The following ATP2B4 variants were observed in gnomAD, a reference collection of about 807,000 sequenced individuals.
The protein encoded by ATP2B4 is ATPase plasma membrane Ca2+ transporting 4.
Under a neutral mutation model 110.3 loss-of-function variants are expected in ATP2B4, and 39 were observed. That is an observed-to-expected ratio of 0.35 (90% CI 0.27 to 0.46). ATP2B4 has a LOEUF of 0.46. Among genes scored for constraint, ATP2B4 ranks in the 20% least tolerant of loss-of-function variants. The pLI is 1.00. For missense variants in ATP2B4, 1,135 were observed against 1,530.9 expected (o/e 0.74, Z 4.32); for synonymous variants, 538 against 571.7 (o/e 0.94, Z 0.84).
At chr1:203,736,879 G>T (rs1419823655) in intron 20 of ATP2B4, among the ~76,000 whole-genome samples, 1 of 152,060 alleles carries the variant, frequency 6.6e-6, no homozygotes, top group African/African-American at 2.4e-5. Flanking sequence ...CTGGAGTTGG[G>T]GCATCCTGGC....
In ATP2B4 at chr1:203,683,411, T is replaced by A. The variant is rs370678786; in HGVS notation, c.193+13T>A. On this transcript the variant is annotated intron_variant, in intron 2 of 20. Coordinates refer to ENST00000357681, the MANE Select transcript of ATP2B4 (RefSeq NM_001684.5). Reference sequence around the variant, plus strand: ...TCCCCTGTGGAAGGTAAAGGCCATATCAGGGGTGGGGAGTTGGAGGAAGGT... The same window carrying A: ...TCCCCTGTGGAAGGTAAAGGCCATAACAGGGGTGGGGAGTTGGAGGAAGGT... The A allele has an allele frequency of 1.3e-6, 2 of 1,589,948 alleles. No homozygotes were observed. The highest frequency in any genetic ancestry group is 2.7e-5 in the African/African-American group (2 of 74,372).
chr1:203,652,674 A>G (rs560052837), intron 1 of ATP2B4, among the ~76,000 whole-genome samples: 1 of 152,104 alleles, frequency 6.6e-6, no homozygotes, highest in African/African-American at 2.4e-5. Flanking sequence ...AAAGTTTTTC[A>G]TTATTATTAT....
intron 6 of ATP2B4, 127 bp downstream of exon 6, chr1:203,701,050 A>C (rs1324800190): frequency 2.3e-6 from 3 of 1,290,738 alleles, no homozygotes; most frequent in Admixed American, 2.7e-5. Context: ...GCAGATATCC[A>C]AACTCCTTGC....
chr1:203,669,703 C>T (rs1664604738), intron 1 of ATP2B4, among the ~76,000 whole-genome samples: 1 of 152,186 alleles, frequency 6.6e-6, no homozygotes, highest in Non-Finnish European at 1.5e-5. Flanking sequence ...TCCCAAAGCG[C>T]TGGGATTACA....
In ATP2B4 at chr1:203,680,060, CA is replaced by C. The variant is rs71145014; in HGVS notation, c.-464-2662del. Among the ~76,000 whole-genome samples the C allele has an allele frequency of 2.6e-3, 313 of 120,510 alleles. 2 individuals carry two copies. The highest frequency in any genetic ancestry group is 0.011 in the South Asian group (39 of 3,712). 79.1% of individuals were successfully genotyped at this position (120,510 alleles called of 152,430 possible). ...TGGGTGACAGAGTGAGACTCTTTCT[CA>C]AAAAAAAAAAAAAAAAAAAGGAAGG... On this transcript the variant is annotated intron_variant, in intron 1 of 20. Transcript: ENST00000357681.
chr1:203,656,492 A>G (rs944898675), intron 1 of ATP2B4, among the ~76,000 whole-genome samples: 1 of 152,242 alleles, frequency 6.6e-6, no homozygotes, highest in Non-Finnish European at 1.5e-5. Flanking sequence ...TTCACAGGTG[A>G]AAAGATTTCT....
chr1:203,654,758 GCTCT>G (rs1664105544), intron 1 of ATP2B4, among the ~76,000 whole-genome samples: 2 of 152,054 alleles, frequency 1.3e-5, no homozygotes, highest in Non-Finnish European at 2.9e-5. Flanking sequence ...ATGGTGGTGT[GCTCT>G]TGTGCTCTCA....
chr1:203,647,948 T>A (rs1175806889), intron 1 of ATP2B4, among the ~76,000 whole-genome samples: 1 of 152,100 alleles, frequency 6.6e-6, no homozygotes, highest in Admixed American at 6.5e-5. Flanking sequence ...TTCCTCTATG[T>A]GTCTGGATCT....
intron 20 of ATP2B4, among the ~76,000 whole-genome samples, chr1:203,730,858 C>T (rs1005550025): frequency 1.8e-4 from 27 of 152,336 alleles, no homozygotes; most frequent in African/African-American, 6.3e-4. Context: ...CCAGGATGCA[C>T]CTGACTCTGG....
chr1:203,660,081 CAAAAAA>C (rs1220626290), intron 1 of ATP2B4, among the ~76,000 whole-genome samples: 1 of 145,116 alleles, frequency 6.9e-6, no homozygotes, highest in African/African-American at 2.6e-5. Context: ...GACTCCATCT[CAAAAAA>C]AAAAAAAAAA....
intron 2 of ATP2B4, among the ~76,000 whole-genome samples, chr1:203,688,611 T>C (rs543842526): frequency 7.2e-5 from 11 of 152,164 alleles, no homozygotes; most frequent in South Asian, 6.2e-4. Context: ...CTCAGCCCAA[T>C]GTTTTGATAC....
chr1:203,692,568 A>G (rs1665414084), intron 2 of ATP2B4, among the ~76,000 whole-genome samples: 1 of 152,228 alleles, frequency 6.6e-6, no homozygotes, highest in East Asian at 1.9e-4. Flanking sequence ...CAACCCAGAG[A>G]AAATTCTCCC....
At chr1:203,687,850 T>C (rs1665244180) in intron 2 of ATP2B4, among the ~76,000 whole-genome samples, 1 of 152,248 alleles carries the variant, frequency 6.6e-6, no homozygotes, top group South Asian at 2.1e-4. Context: ...TAAGATACTC[T>C]GTGAGACTGC....
At chr1:203,703,902 TGGC>T in intron 8 of ATP2B4, 89 bp downstream of exon 8, 1 of 1,456,510 alleles carries the variant, frequency 6.9e-7, no homozygotes, top group Non-Finnish European at 9.2e-7. Context: ...CGACCGAGAC[TGGC>T]AGAAAGAAGC....
chr1:203,638,074 G>A (rs189582125), intron 1 of ATP2B4, among the ~76,000 whole-genome samples: 11 of 152,194 alleles, frequency 7.2e-5, no homozygotes, highest in Non-Finnish European at 1.3e-4. Context: ...CATGGAGGAG[G>A]TGATTGCCAA....
Position 203,703,692 on chromosome 1 carries a change from C to A in ATP2B4, c.978C>A (p.Leu326=). ...GAGTGGCCCTGGAAATCCAGCCACT[C>A]AACAGCCAGGAGGGAATCGACAATG... The part of the protein sequence containing the change: ...QDGVALEIQP[L]NSQEGIDNEE... The change falls in exon 8 of 21, where the codon CTC becomes CTA. Residue 326 remains leucine, a synonymous_variant. Coordinates refer to ENST00000357681, the MANE Select transcript of ATP2B4 (RefSeq NM_001684.5). 6.2e-7 allele frequency: 1 copy of A among 1,614,096 alleles called. No individual in the cohort carries two copies. The highest frequency in any genetic ancestry group is 8.5e-7 in the Non-Finnish European group (1 of 1,180,000).
At position 203,739,779 on chromosome 1, in the gene ATP2B4, C is replaced by T. The variant is rs1467886186; in HGVS notation, c.3543C>T (p.Asn1181=). ...TCACTCCATATGCCAATACAAACAA[C>T]AATGCGGTGGATTGCAACCAAGTGC... ...GEVTPYANTN[N]NAVDCNQVQL... is the part of the protein sequence containing the mutation. The change falls in exon 21 of 21, where the codon AAC becomes AAT. Residue 1181 remains asparagine (N), a synonymous_variant. Coordinates refer to ENST00000357681, the MANE Select transcript of ATP2B4 (RefSeq NM_001684.5). 1.9e-6 allele frequency: 3 copies of T among 1,614,210 alleles called. No homozygotes were observed. The highest frequency in any genetic ancestry group is 2.2e-5 in the South Asian group (2 of 91,086).
chr1:203,720,471 G>T, intron 15 of ATP2B4, 78 bp from the exon 16 acceptor site: 1 of 1,411,566 alleles, frequency 7.1e-7, no homozygotes, highest in East Asian at 2.4e-5. Context: ...CACTGACTTC[G>T]GAAGCTTCCT....
intron 1 of ATP2B4, chr1:203,657,704 A>G (rs1664204594): frequency 4.0e-6 from 3 of 757,152 alleles, no homozygotes; most frequent in East Asian, 4.9e-5. Flanking sequence ...TCTCATGGTA[A>G]TCCAAACGGT....
Sources: gnomAD v4.1 joint callset for allele counts (sites outside exome capture counted in the v4.1 genomes callset) on GRCh38, gnomAD v4.1.1 for gene constraint, MANE v1.5 for transcripts, NCBI Gene and HGNC (gene_info 2026-07-23, HGNC 2026-07-21) for gene names.